Variants in CCDC68 observed in about 807,000 individuals in gnomAD.
The protein encoded by CCDC68 is coiled-coil domain containing 68.
A neutral mutation model predicts 47.1 loss-of-function variants in CCDC68; 45 were observed. The observed-to-expected ratio is 0.96, with a 90% CI of 0.75 to 1.23. The LOEUF (loss-of-function observed/expected upper bound fraction) is 1.23, where lower values mean the gene tolerates loss of function less well. Among genes scored for constraint, CCDC68 ranks in the 50% most tolerant of loss-of-function variants. The pLI is 0.00. For synonymous variants in CCDC68, 131 were observed against 129.5 expected, an observed-to-expected ratio of 1.01 and a Z score of -0.08; for missense variants, 353 against 373.6, an observed-to-expected ratio of 0.94 and a Z score of 0.45.
intron 10 of CCDC68, among the ~76,000 whole-genome samples, chr18:54,908,721 C>T (rs998093841): frequency 5.9e-5 from 9 of 152,146 alleles, no homozygotes; most frequent in South Asian, 2.1e-4. Context: ...ATTTTCTAGT[C>T]GAAGTGCCTT....
At chr18:54,950,533 C>T (rs186705887) in intron 1 of CCDC68, among the ~76,000 whole-genome samples, 159 of 152,210 alleles carry the variant, frequency 1.0e-3, no homozygotes, top group African/African-American at 3.8e-3. Flanking sequence ...AATAAGAATC[C>T]AAACTTTTGC....
At chr18:54,907,902 C>T (rs1427038841) in intron 10 of CCDC68, 40 bp from the exon 11 acceptor site, 1 of 1,086,774 alleles carries the variant, frequency 9.2e-7, no homozygotes, top group Non-Finnish European at 1.4e-6. Context: ...ATAGCTAACA[C>T]ATTTATTAGC....
intron 1 of CCDC68, among the ~76,000 whole-genome samples, chr18:54,950,863 T>C (rs956789793): frequency 1.9e-4 from 27 of 142,938 alleles, no homozygotes; most frequent in African/African-American, 5.8e-4. Context: ...CCTCATCAAC[T>C]GAACACAATT....
intron 10 of CCDC68, 35 bp from the exon 11 acceptor site, chr18:54,907,897 TA>T (rs1386389284): frequency 8.5e-7 from 1 of 1,175,668 alleles, no homozygotes; most frequent in South Asian, 1.2e-5. Context: ...GTCAAATAGC[TA>T]ACACATTTAT....
chr18:54,922,331 T>A (rs1271773124), intron 8 of CCDC68, among the ~76,000 whole-genome samples: 1 of 152,008 alleles, frequency 6.6e-6, no homozygotes, highest in East Asian at 1.9e-4. Context: ...TGGCAAACAT[T>A]CTGAACAAAC....
intron 10 of CCDC68, among the ~76,000 whole-genome samples, chr18:54,910,220 G>A (rs927055462): frequency 1.3e-5 from 2 of 152,194 alleles, no homozygotes; most frequent in African/African-American, 4.8e-5. Context: ...TATCAACAGA[G>A]ACGGTAGCTC....
intron 8 of CCDC68, among the ~76,000 whole-genome samples, chr18:54,922,352 C>T (rs2044075291): frequency 6.6e-6 from 1 of 152,124 alleles, no homozygotes; most frequent in Non-Finnish European, 1.5e-5. Context: ...AGTGAGAAGG[C>T]TTACCGCCCA....
At chr18:54,921,130 T>C (rs1428785736) in intron 8 of CCDC68, among the ~76,000 whole-genome samples, 1 of 152,066 alleles carries the variant, frequency 6.6e-6, no homozygotes, top group African/African-American at 2.4e-5. Context: ...CACTTATAAG[T>C]GGGAGCTAAA....
intron 1 of CCDC68, among the ~76,000 whole-genome samples, chr18:54,947,232 T>C (rs1446108686): frequency 6.6e-6 from 1 of 152,232 alleles, no homozygotes; most frequent in Non-Finnish European, 1.5e-5. Context: ...ATTTGTCTTA[T>C]GCTAGAATGG....
intron 10 of CCDC68, among the ~76,000 whole-genome samples, chr18:54,917,288 G>A (rs1397196654): frequency 6.6e-6 from 1 of 152,138 alleles, no homozygotes; most frequent in Non-Finnish European, 1.5e-5. Flanking sequence ...TGTGAATGAA[G>A]AAAGGAGGAA....
intron 10 of CCDC68, among the ~76,000 whole-genome samples, chr18:54,917,072 G>C (rs2043966789): frequency 6.6e-6 from 1 of 152,168 alleles, no homozygotes; most frequent in South Asian, 2.1e-4. Flanking sequence ...ACCCAGTCTT[G>C]GGTATGTCTT....
chr18:54,938,690 A>G (rs887161304), intron 4 of CCDC68, among the ~76,000 whole-genome samples: 31 of 152,242 alleles, frequency 2.0e-4, no homozygotes, highest in Admixed American at 4.6e-4. Flanking sequence ...CCTAACTTAA[A>G]CTGTCCATTT....
At chr18:54,907,714 T>A in intron 11 of CCDC68, 72 bp downstream of exon 11, 1 of 830,930 alleles carries the variant, frequency 1.2e-6, no homozygotes. Flanking sequence ...GGAATCTTTC[T>A]TGAGTGGGTT....
At chr18:54,909,230 T>C (rs907920542) in intron 10 of CCDC68, among the ~76,000 whole-genome samples, 6 of 152,134 alleles carry the variant, frequency 3.9e-5, no homozygotes, top group Non-Finnish European at 8.8e-5. Context: ...GGTTGCACTT[T>C]AAAGGACACA....
In CCDC68 at chr18:54,919,320, T is replaced by G; in HGVS notation, c.740A>C (p.Gln247Pro). 1 of 1,614,120 alleles carries G rather than the reference T, an allele frequency of 6.2e-7. No individual in the cohort carries two copies. The highest frequency in any genetic ancestry group is 2.2e-5 in the East Asian group (1 of 44,880). The stretch of plus-strand genomic sequence containing the variant: ...CTGATGTTGGGAGTGAATCACAAAC[T>G]GCAGATGAGAGATCTGCTCCTGGAG... ...SILQEQISHL[Q>P]FVIHSQHQNL... is the part of the protein sequence containing the mutation. The change falls in exon 9 of 12, where the codon CAG becomes CCG. Residue 247 changes from glutamine (Q) to proline (P), a missense_variant. Physicochemically the swap from Gln to Pro is moderately conservative, Grantham distance 76. Coordinates refer to ENST00000591504, the MANE Select transcript of CCDC68 (RefSeq NM_025214.3).
intron 2 of CCDC68, 139 bp from the exon 3 acceptor site, chr18:54,942,942 A>G (rs1479696782): frequency 1.9e-6 from 1 of 532,574 alleles, no homozygotes. Context: ...ATCTGTATAT[A>G]TTCATAAATC....
intron 11 of CCDC68, among the ~76,000 whole-genome samples, chr18:54,906,700 C>G (rs989359855): frequency 3.3e-5 from 5 of 152,150 alleles, no homozygotes; most frequent in African/African-American, 1.2e-4. Flanking sequence ...TGAAGTGACT[C>G]GACTCTCCCT....
At chr18:54,906,606 A>T (rs1459638235) in intron 11 of CCDC68, among the ~76,000 whole-genome samples, 2 of 152,180 alleles carry the variant, frequency 1.3e-5, no homozygotes, top group African/African-American at 4.8e-5. Flanking sequence ...TAAAGATGGA[A>T]GGGAGCAAAA....
intron 5 of CCDC68, 160 bp downstream of exon 5, chr18:54,937,797 T>G: frequency 2.1e-6 from 1 of 471,392 alleles, no homozygotes; most frequent in South Asian, 5.6e-5. Context: ...AGATATGATT[T>G]GTGAAATATA....
Sources: allele counts gnomAD v4.1 joint callset (sites outside exome capture counted in the v4.1 genomes callset), GRCh38; gene constraint gnomAD v4.1.1; transcripts MANE v1.5; gene names NCBI Gene and HGNC (gene_info 2026-07-23, HGNC 2026-07-21).